LMAN2L: variants seen among roughly 807,000 people sequenced by gnomAD.
LMAN2L encodes the protein lectin, mannose binding 2 like.
A neutral mutation model predicts 44.3 loss-of-function variants in LMAN2L; 30 were observed. The observed-to-expected ratio is 0.68, with a 90% CI of 0.51 to 0.92. The LOEUF is 0.92. LMAN2L is among the 40% of genes least tolerant of loss of function. The pLI is 0.00. For synonymous variants in LMAN2L, 183 were observed against 171.1 expected (o/e 1.07, Z -0.54); for missense variants, 429 against 446.1 (o/e 0.96, Z 0.35).
rs536176514 is a variant in LMAN2L at position 96,724,869 on chromosome 2, T to C, written c.507+8650A>G. Among the ~76,000 whole-genome samples, 9 of 152,250 alleles carry C rather than the reference T, an allele frequency of 5.9e-5. No individual in the cohort carries two copies. In the East Asian group the frequency reaches 1.2e-3, roughly 20 times the overall value. On this transcript the variant is annotated intron_variant, in intron 4 of 7. Transcript: ENST00000264963. ...TTTTTTTTGATGGAGTCTTGCTCTG[T>C]CGCCCAGGCTGGAGTGCAGTGGCGC...
intron 4 of LMAN2L, among the ~76,000 whole-genome samples, chr2:96,729,220 T>C (rs1022814010): frequency 6.0e-5 from 9 of 151,216 alleles, no homozygotes; most frequent in African/African-American, 2.2e-4. Context: ...TAATAATAAA[T>C]GTCTCTATTC....
intron 4 of LMAN2L, among the ~76,000 whole-genome samples, chr2:96,733,093 T>C (rs1032040389): frequency 6.6e-6 from 1 of 152,084 alleles, no homozygotes; most frequent in African/African-American, 2.4e-5. Flanking sequence ...TCTTCAGGTC[T>C]GAGAAGAAGA....
At chr2:96,712,634 G>A (rs1299439072) in intron 4 of LMAN2L, among the ~76,000 whole-genome samples, 1 of 152,198 alleles carries the variant, frequency 6.6e-6, no homozygotes, top group Non-Finnish European at 1.5e-5. Flanking sequence ...GGCTCAGCCA[G>A]CCACAATGAC....
rs374301892 is a variant in LMAN2L, at chr2:96,739,894, C to T, written c.147G>A (p.Glu49=). 6.6e-5 allele frequency: 106 copies of T among 1,614,002 alleles called. No individual in the cohort carries two copies. Among genetic ancestry groups the T allele is most frequent in the Non-Finnish European group, 8.8e-5 (104 of 1,180,046 alleles). ...PQQVGAGQTF[E]YLKREHSLSK... is the part of the protein sequence containing the mutation. ...ACAGCGAGTGCTCCCGTTTCAAGTACTCGAACGTTTGACCCGCCCCGACTT... is the reference window on the plus strand; with the variant it reads ...ACAGCGAGTGCTCCCGTTTCAAGTATTCGAACGTTTGACCCGCCCCGACTT... The change falls in exon 1 of 8, where the codon GAG becomes GAA. Residue 49 remains glutamate, a synonymous_variant. Coordinates refer to ENST00000264963, the MANE Select transcript of LMAN2L (RefSeq NM_030805.4).
rs775800036 is a variant in LMAN2L, at chr2:96,740,031, T to A, written c.10A>T (p.Thr4Ser). 8 of 1,604,786 alleles carry A rather than the reference T, an allele frequency of 5.0e-6. No individual in the cohort carries two copies. In the Middle Eastern group the frequency reaches 9.9e-4, roughly 199 times the overall value. The change falls in exon 1 of 8, where the codon ACT becomes TCT. Residue 4 changes from threonine to serine, a missense_variant. Transcript: ENST00000264963. The stretch of plus-strand genomic sequence containing the variant: ...TGCCACGACCCAAGGGGTCCCAGAG[T>A]CGCCGCCATCTTTCCCACCAACGAC... Reference protein sequence around the residue: MAATLGPLGSWQQW... With the variant: MAASLGPLGSWQQW...
intron 6 of LMAN2L, among the ~76,000 whole-genome samples, chr2:96,708,282 C>T (rs114738552): frequency 0.017 from 2,625 of 152,336 alleles, 31 homozygotes; most frequent in Non-Finnish European, 0.025. Flanking sequence ...AGTACTGCAT[C>T]GTGTACTGTA....
Position 96,706,779 on chromosome 2 carries a change from A to G in LMAN2L, c.*477T>C, listed in dbSNP as rs1433928488. ...GGAAGAAGTTTCCATCCTGGTTTCCAAAGAAAGCTCCTCAGGTAGGCAGAG... is the reference window on the plus strand; with the variant it reads ...GGAAGAAGTTTCCATCCTGGTTTCCGAAGAAAGCTCCTCAGGTAGGCAGAG... On this transcript the variant is annotated 3_prime_UTR_variant, in exon 8 of 8. Transcript: ENST00000264963. 3 of 152,316 alleles carry G rather than the reference A, an allele frequency of 2.0e-5. No homozygotes were observed. Among genetic ancestry groups the G allele is most frequent in the Non-Finnish European group, 4.4e-5 (3 of 68,122 alleles). The allele number at this position is 152,316 out of a possible 1,614,324, so 9.4% of individuals were successfully genotyped here.
Position 96,711,919 on chromosome 2 carries a change from C to T in LMAN2L, c.614G>A (p.Arg205His), listed in dbSNP as rs761666242. 7.4e-6 allele frequency: 12 copies of T among 1,614,066 alleles called. No homozygotes were observed. The African/African-American group carries it at 1.1e-4, about 14-fold the overall frequency. ...TELGGCTAIV[R>H]NLHYDTFLVI... is the part of the protein sequence containing the mutation. ...CAGGAAGGTGTCGTAATGAAGATTGCGGACAATGGCTGTGCAGCCTCCCAG... is the reference window on the plus strand; with the variant it reads ...CAGGAAGGTGTCGTAATGAAGATTGTGGACAATGGCTGTGCAGCCTCCCAG... The change falls in exon 5 of 8, where the codon CGC becomes CAC. Residue 205 changes from arginine to histidine, a missense_variant. Coordinates refer to ENST00000264963, the MANE Select transcript of LMAN2L (RefSeq NM_030805.4).
intron 4 of LMAN2L, among the ~76,000 whole-genome samples, chr2:96,713,420 C>A (rs973166227): frequency 2.0e-4 from 31 of 152,106 alleles, no homozygotes; most frequent in African/African-American, 7.5e-4. Flanking sequence ...CTAGGAAGAC[C>A]GCTCTAACCC....
chr2:96,720,113 A>G (rs901488881), intron 4 of LMAN2L, among the ~76,000 whole-genome samples: 5 of 152,200 alleles, frequency 3.3e-5, no homozygotes, highest in Non-Finnish European at 7.3e-5. Flanking sequence ...CAAAGGAGGA[A>G]AAAACAATCA....
At chr2:96,733,731 C>A in intron 3 of LMAN2L, 130 bp from the exon 4 acceptor site, 1 of 716,724 alleles carries the variant, frequency 1.4e-6, no homozygotes, top group South Asian at 1.8e-5. Flanking sequence ...TGAGAAAACA[C>A]ATGTTTAAAA....
At chr2:96,715,931 A>G (rs892319132) in intron 4 of LMAN2L, among the ~76,000 whole-genome samples, 2 of 152,236 alleles carry the variant, frequency 1.3e-5, no homozygotes, top group African/African-American at 4.8e-5. Flanking sequence ...CAAAGCTCAC[A>G]GGGTTCATTA....
chr2:96,734,583 G>A, intron 2 of LMAN2L, 57 bp from the exon 3 acceptor site: 2 of 1,072,102 alleles, frequency 1.9e-6, no homozygotes, highest in African/African-American at 1.5e-5. Flanking sequence ...AACCCCTCAA[G>A]CCCACATCAG....
intron 6 of LMAN2L, 141 bp from the exon 7 acceptor site, chr2:96,707,974 CA>C: frequency 1.2e-6 from 1 of 823,370 alleles, no homozygotes; most frequent in Admixed American, 2.5e-5. Flanking sequence ...CTCCATTTTG[CA>C]ACTAAAAATA....
rs956843901 is a variant in LMAN2L, at chr2:96,706,073, T to C, written c.*1183A>G. On this transcript the variant is annotated 3_prime_UTR_variant, in exon 8 of 8. Coordinates refer to ENST00000264963, the MANE Select transcript of LMAN2L (RefSeq NM_030805.4). ...AAGGTGAGCAGCATGTAACCCCTTG[T>C]CAAATAAGGCAGTGGAATAAGGGTT... The C allele has an allele frequency of 4.6e-5, 7 of 152,622 alleles. No homozygotes were observed. The highest frequency in any genetic ancestry group is 7.3e-5 in the Non-Finnish European group (5 of 68,062). The allele number at this position is 152,622 out of a possible 1,614,324, so 9.5% of individuals were successfully genotyped here. A position where few individuals can be genotyped will look rare whatever the true frequency, so the allele number is the denominator to read the frequency against.
chr2:96,722,437 T>C (rs2078177889), intron 4 of LMAN2L, among the ~76,000 whole-genome samples: 2 of 151,826 alleles, frequency 1.3e-5, no homozygotes. Flanking sequence ...TAAATTCTCC[T>C]AAGGAGAAAA....
At position 96,739,953 on chromosome 2, in the gene LMAN2L, G is replaced by T. The variant is rs747490165; in HGVS notation, c.88C>A (p.Leu30Ile). ...CCCTGCCCAGACCCCAACAAAAGAA[G>T]AAGGAGTAACATCCTGGACCCATCC... ...ARDGSRMLLLLLLLGSGQGPQ... is the reference protein window; with the variant it reads ...ARDGSRMLLLILLLGSGQGPQ... Residue 30 changes from leucine to isoleucine, a missense_variant, in exon 1 of 8, where the codon CTT (leucine) becomes ATT (isoleucine). Transcript: ENST00000264963. 1 of 1,614,006 alleles carries T rather than the reference G, an allele frequency of 6.2e-7. No homozygotes were observed. The highest frequency in any genetic ancestry group is 8.5e-7 in the Non-Finnish European group (1 of 1,180,022).
At chr2:96,722,050 C>A (rs1354091940) in intron 4 of LMAN2L, among the ~76,000 whole-genome samples, 1 of 152,078 alleles carries the variant, frequency 6.6e-6, no homozygotes, top group Non-Finnish European at 1.5e-5. Flanking sequence ...TCACTGCAAG[C>A]TCCGCCTGCC....
intron 4 of LMAN2L, among the ~76,000 whole-genome samples, chr2:96,719,948 G>A (rs917765335): frequency 6.6e-6 from 1 of 152,100 alleles, no homozygotes; most frequent in Admixed American, 6.6e-5. Flanking sequence ...GACTGCTTAA[G>A]CCTAGGAGTT....
Sources: allele counts gnomAD v4.1 joint callset (sites outside exome capture counted in the v4.1 genomes callset), GRCh38; gene constraint gnomAD v4.1.1; transcripts MANE v1.5; gene names NCBI Gene and HGNC (gene_info 2026-07-23, HGNC 2026-07-21).